Variants in SPOCK2 observed in about 807,000 individuals in gnomAD.
SPOCK2 encodes the protein testican-2.
In SPOCK2, 39 loss-of-function variants were observed where a neutral mutation model predicts 60.1. The ratio of observed to expected loss-of-function variants is 0.65; its 90% confidence interval spans 0.50 to 0.85. The LOEUF (loss-of-function observed/expected upper bound fraction) is 0.85. Ranked by LOEUF, SPOCK2 falls within the 40% of genes least tolerant of loss-of-function variation. SPOCK2 has a pLI of 0.00. For missense variants in SPOCK2, 523 were observed against 567.4 expected (o/e 0.92, Z 0.80); for synonymous variants, 217 against 231.5 (o/e 0.94, Z 0.57).
chr10:72,085,259 G>A (rs542070859), intron 1 of SPOCK2, among the ~76,000 whole-genome samples: 8 of 152,248 alleles, frequency 5.3e-5, no homozygotes, highest in South Asian at 2.1e-4. Flanking sequence ...GGAGCCAGGC[G>A]GAGTCCACAA....
rs1451888111 is a variant in SPOCK2 at position 72,072,502 on chromosome 10, C to T, written c.244+1G>A. The T allele has an allele frequency of 4.3e-6, 7 of 1,614,024 alleles. No individual in the cohort carries two copies. In the East Asian group the frequency reaches 1.6e-4, roughly 36 times the overall value. On this transcript the variant is annotated splice_donor_variant, in intron 3 of 10. Coordinates refer to ENST00000373109, the MANE Select transcript of SPOCK2 (RefSeq NM_001244950.2). LOFTEE classifies it high-confidence loss of function. The stretch of plus-strand genomic sequence containing the variant: ...TTCCCCCGCCGGGAGAGTCATGTTA[C>T]CTTCATCTCCTTGCTGATTGTCCTC...
chr10:72,073,711 G>A (rs933887374), intron 1 of SPOCK2, among the ~76,000 whole-genome samples: 4 of 152,296 alleles, frequency 2.6e-5, no homozygotes, highest in Admixed American at 2.0e-4. Context: ...AGGCACAAGG[G>A]AGACCTTCTC....
intron 1 of SPOCK2, among the ~76,000 whole-genome samples, chr10:72,074,476 G>A (rs747583215): frequency 6.6e-6 from 1 of 152,266 alleles, no homozygotes; most frequent in Non-Finnish European, 1.5e-5. Flanking sequence ...ATGTTTGTGT[G>A]TATGCACATC....
chr10:72,086,630 G>C, intron 1 of SPOCK2: 3 of 1,211,132 alleles, frequency 2.5e-6, no homozygotes, highest in Non-Finnish European at 3.1e-6. Context: ...CAGGTGCTTC[G>C]GGAAGGCCTC....
intron 3 of SPOCK2, 67 bp from the exon 4 acceptor site, chr10:72,072,325 G>A: frequency 1.4e-6 from 2 of 1,461,214 alleles, no homozygotes; most frequent in Non-Finnish European, 1.8e-6. Flanking sequence ...CCCCACTTCT[G>A]AGCTGGGAGG....
intron 6 of SPOCK2, among the ~76,000 whole-genome samples, chr10:72,067,938 C>G (rs1840594117): frequency 6.6e-6 from 1 of 152,170 alleles, no homozygotes; most frequent in South Asian, 2.1e-4. Flanking sequence ...AAACACACAG[C>G]CCAGGTTCCT....
chr10:72,088,437 C>T lies in SPOCK2; in HGVS notation c.-109G>A. On this transcript the variant is annotated 5_prime_UTR_variant, in exon 1 of 11. Coordinates refer to ENST00000373109, the MANE Select transcript of SPOCK2 (RefSeq NM_001244950.2). ...ACGCGGCTGTCCTCAGCTCTCCTCC[C>T]GCGGTCTGCCTCCGGTGACTGGCGG... 2 of 1,304,734 alleles carry T rather than the reference C, an allele frequency of 1.5e-6. No individual in the cohort carries two copies. Among genetic ancestry groups the T allele is most frequent in the Non-Finnish European group, 2.0e-6 (2 of 983,898 alleles). 80.8% of individuals were successfully genotyped at this position (1,304,734 alleles called of 1,614,324 possible). A position where few individuals can be genotyped will look rare whatever the true frequency, so the allele number is the denominator to read the frequency against.
chr10:72,085,841 C>T (rs775392282), intron 1 of SPOCK2, among the ~76,000 whole-genome samples: 1 of 152,184 alleles, frequency 6.6e-6, no homozygotes, highest in Non-Finnish European at 1.5e-5. Context: ...TGCCTTCAGC[C>T]CTTAGGCAGG....
rs1840762057 is a variant in SPOCK2 at position 72,080,000 on chromosome 10, T to G, written c.190-7090A>C. On this transcript the variant is annotated intron_variant, in intron 1 of 10. Coordinates refer to ENST00000373109, the MANE Select transcript of SPOCK2 (RefSeq NM_001244950.2). ...GGCAATCATGTCTGCAAGGGGACTT[T>G]GTGAACTGAAGCTCCATACTTTCAA... Among the ~76,000 whole-genome samples, 3 of 152,208 alleles carry G rather than the reference T, an allele frequency of 2.0e-5. No homozygotes were observed. The South Asian group carries it at 6.2e-4, about 32-fold the overall frequency.
At chr10:72,068,034 T>A (rs1840595322) in intron 6 of SPOCK2, among the ~76,000 whole-genome samples, 153 bp downstream of exon 6, 1 of 152,244 alleles carries the variant, frequency 6.6e-6, no homozygotes, top group African/African-American at 2.4e-5. Flanking sequence ...TCTGTGTTAA[T>A]CTGGGCCTCT....
Position 72,088,121 on chromosome 10 carries a change from G to A in SPOCK2, c.189+19C>T. ...ACCCGCAACCCCGGGTCTCTGCCTT[G>A]GCAGCCCTGCGGACTCACGTCTCGG... On this transcript the variant is annotated intron_variant, in intron 1 of 10. Transcript: ENST00000373109. 1 of 1,610,678 alleles carries A rather than the reference G, an allele frequency of 6.2e-7. No individual in the cohort carries two copies. Among genetic ancestry groups the A allele is most frequent in the South Asian group, 1.1e-5 (1 of 90,972 alleles).
intron 1 of SPOCK2, among the ~76,000 whole-genome samples, chr10:72,082,458 C>T (rs1256725927): frequency 5.3e-5 from 8 of 152,226 alleles, no homozygotes; most frequent in Non-Finnish European, 8.8e-5. Flanking sequence ...TGCTGAAATC[C>T]TGACCTCCAA....
chr10:72,076,656 C>T (rs944511697), intron 1 of SPOCK2, among the ~76,000 whole-genome samples: 39 of 152,250 alleles, frequency 2.6e-4, no homozygotes, highest in African/African-American at 8.2e-4. Flanking sequence ...TGGGCTCAGG[C>T]AGTCCTCCTG....
chr10:72,064,236 G>A lies in SPOCK2; in HGVS notation c.933C>T (p.Pro311=), dbSNP rs376801741. 16 of 1,595,656 alleles carry A rather than the reference G, an allele frequency of 1.0e-5. No individual in the cohort carries two copies. In the African/African-American group the frequency reaches 1.5e-4, roughly 15 times the overall value. The change falls in exon 9 of 11, where the codon CCC becomes CCT. Residue 311 remains proline, a synonymous_variant. Coordinates refer to ENST00000373109, the MANE Select transcript of SPOCK2 (RefSeq NM_001244950.2). ...EWCFCFWREK[P]PCLAELERIQ... ...TGCGCTCCAGCTCTGCCAGGCAGGG[G>A]GGCTCTGTGGGGAGAGAAGCAGCCT...
At chr10:72,076,549 T>C (rs1840717313) in intron 1 of SPOCK2, among the ~76,000 whole-genome samples, 1 of 152,218 alleles carries the variant, frequency 6.6e-6, no homozygotes, top group African/African-American at 2.4e-5. Context: ...TATATGCTTA[T>C]CTATCTACCT....
intron 1 of SPOCK2, among the ~76,000 whole-genome samples, chr10:72,076,856 G>C (rs1242878852): frequency 2.0e-5 from 3 of 152,252 alleles, no homozygotes; most frequent in Admixed American, 2.0e-4. Context: ...GAGAGGCAGA[G>C]CAACTGGCCA....
Position 72,064,226 on chromosome 10 carries a change from C to T in SPOCK2, c.943G>A (p.Ala315Thr), listed in dbSNP as rs1248063056. ...TGGATCTGGATGCGCTCCAGCTCTG[C>T]CAGGCAGGGGGGCTCTGTGGGGAGA... Reference protein sequence around the residue: ...CFWREKPPCLAELERIQIQEA... With the variant: ...CFWREKPPCLTELERIQIQEA... Residue 315 changes from alanine (A) to threonine (T), a missense_variant, in exon 9 of 11, where the codon GCA becomes ACA. Physicochemically the swap from Ala to Thr is moderately conservative, Grantham distance 58 (BLOSUM62 0). Transcript: ENST00000373109. 6.2e-7 allele frequency: 1 copy of T among 1,604,236 alleles called. No homozygotes were observed. Among genetic ancestry groups the T allele is most frequent in the East Asian group, 2.3e-5 (1 of 44,320 alleles).
rs1309252734 is a variant in SPOCK2 at position 72,062,938 on chromosome 10, G to T, written c.1130-33C>A. On this transcript the variant is annotated intron_variant, in intron 10 of 10. Coordinates refer to ENST00000373109, the MANE Select transcript of SPOCK2 (RefSeq NM_001244950.2). The surrounding 1 kb of genome is among the most constrained non-coding windows in gnomAD (Gnocchi z 4.3). Reference sequence around the variant, plus strand: ...GGGATCAAGCCAACAGGGGGTGAGGGAGCTTCTGGCACGCACCCCCCAGCA... The same window carrying T: ...GGGATCAAGCCAACAGGGGGTGAGGTAGCTTCTGGCACGCACCCCCCAGCA... 2 of 1,591,980 alleles carry T rather than the reference G, an allele frequency of 1.3e-6. No homozygotes were observed. Among genetic ancestry groups the T allele is most frequent in the Non-Finnish European group, 1.7e-6 (2 of 1,172,264 alleles).
rs779149485 is a variant in SPOCK2 at position 72,068,321 on chromosome 10, G to C, written c.475-20C>G. The C allele has an allele frequency of 5.7e-6, 9 of 1,591,252 alleles. No homozygotes were observed. Among genetic ancestry groups the C allele is most frequent in the Non-Finnish European group, 7.7e-6 (9 of 1,167,568 alleles). Reference sequence around the variant, plus strand: ...CTTACACTGCACATGGGGAAAGGTGGAACAGGGGACTGAGGGCTTACCCCA... The same window carrying C: ...CTTACACTGCACATGGGGAAAGGTGCAACAGGGGACTGAGGGCTTACCCCA... On this transcript the variant is annotated intron_variant, in intron 5 of 10. Transcript: ENST00000373109.
Sources: gnomAD v4.1 joint callset for allele counts (sites outside exome capture counted in the v4.1 genomes callset) on GRCh38, gnomAD v4.1.1 for gene constraint, Gnocchi (gnomAD v3.1) non-coding constraint, MANE v1.5 for transcripts, NCBI Gene and HGNC (gene_info 2026-07-23, HGNC 2026-07-21) for gene names.